GPHN: variants seen among roughly 807,000 people sequenced by gnomAD.
GPHN encodes gephyrin.
In GPHN, 17 loss-of-function variants were observed where a neutral mutation model predicts 95.5. That is an observed-to-expected ratio of 0.18 (90% CI 0.12 to 0.27). The LOEUF is 0.27. GPHN is among the 10% of genes least tolerant of loss of function. The pLI is 1.00. For synonymous variants in GPHN, 320 were observed against 322.5 expected (o/e 0.99, Z 0.08); for missense variants, 660 against 978.1 (o/e 0.67, Z 4.34).
intron 1 of GPHN, among the ~76,000 whole-genome samples, chr14:66,526,388 C>T (rs538091491): frequency 1.4e-4 from 22 of 152,228 alleles, no homozygotes; most frequent in South Asian, 6.2e-4. Context: ...TGGGCTGAGA[C>T]GATGGGGTTT....
chr14:66,721,547 A>G (rs1368574700), intron 2 of GPHN, among the ~76,000 whole-genome samples: 1 of 152,216 alleles, frequency 6.6e-6, no homozygotes, highest in Non-Finnish European at 1.5e-5. Context: ...AAATCAAACT[A>G]ATTAACATAA....
chr14:67,627,514 G>A, the GPHN span, among the ~76,000 whole-genome samples: 952 of 152,226 alleles, frequency 6.3e-3, 10 homozygotes, highest in African/African-American at 0.021. Context: ...CTTTTGAACA[G>A]TGTCATATCT....
At chr14:67,575,874 C>G in the GPHN span, 1 of 1,613,958 alleles carries the variant, frequency 6.2e-7, no homozygotes, top group Non-Finnish European at 8.5e-7. Context: ...GGAAGTAGAT[C>G]GATCCTGTGA....
rs186102361 is a variant in GPHN at position 66,521,394 on chromosome 14, A to G, written c.64+12803A>G. 5.9e-5 allele frequency among the ~76,000 whole-genome samples: 9 copies of G among 152,214 alleles called. No homozygotes were observed. In the East Asian group the frequency reaches 7.7e-4, roughly 13 times the overall value. On this transcript the variant is annotated intron_variant, in intron 1 of 22. Coordinates refer to ENST00000478722, the MANE Select transcript of GPHN (RefSeq NM_020806.5). ...TTGGCCAGGTCTGTATCACATATCC[A>G]TCCTTGGGAGTGGGGATACTAAATA...
the GPHN span, chr14:67,587,020 C>T: frequency 6.5e-7 from 1 of 1,533,746 alleles, no homozygotes; most frequent in Non-Finnish European, 8.8e-7. Context: ...GTAAGAAAGC[C>T]AGGATTCAAG....
chr14:67,374,650 T>G, the GPHN span: 1 of 715,862 alleles, frequency 1.4e-6, no homozygotes, highest in Non-Finnish European at 2.1e-6. Context: ...TTGCTTATGA[T>G]CTAATATTCT....
the GPHN span, among the ~76,000 whole-genome samples, chr14:67,358,148 G>A: frequency 2.6e-5 from 4 of 152,230 alleles, no homozygotes; most frequent in East Asian, 5.8e-4. Flanking sequence ...GCCTTACATT[G>A]CTAGAAGATA....
the GPHN span, among the ~76,000 whole-genome samples, chr14:67,405,677 TTCTC>T: frequency 2.6e-5 from 4 of 152,222 alleles, no homozygotes; most frequent in Non-Finnish European, 5.9e-5. Context: ...CTTATTGGCA[TTCTC>T]TCTCTTTCTC....
the GPHN span, among the ~76,000 whole-genome samples, chr14:67,295,335 C>G: frequency 6.6e-6 from 1 of 151,162 alleles, no homozygotes; most frequent in Non-Finnish European, 1.5e-5. Flanking sequence ...AAAAAAAATA[C>G]AAAAATTAGC....
chr14:67,208,757 C>T, the GPHN span, among the ~76,000 whole-genome samples: 6 of 152,050 alleles, frequency 3.9e-5, no homozygotes, highest in African/African-American at 1.4e-4. Context: ...ATTAGCCAGG[C>T]GCGGTGGCGG....
the GPHN span, chr14:67,586,040 C>T: frequency 6.2e-7 from 1 of 1,613,846 alleles, no homozygotes; most frequent in Non-Finnish European, 8.5e-7. Context: ...CTATCCCAGA[C>T]AAGAGCTCTG....
intron 1 of GPHN, among the ~76,000 whole-genome samples, chr14:66,559,412 CTT>C (rs1317242817): frequency 7.6e-6 from 1 of 131,060 alleles, no homozygotes; most frequent in Non-Finnish European, 1.6e-5. Context: ...TGTTTCCTGA[CTT>C]TTTAATGATT....
downstream of GPHN, among the ~76,000 whole-genome samples, chr14:67,182,930 C>G (rs1005723771): frequency 6.7e-6 from 1 of 148,568 alleles, no homozygotes; most frequent in African/African-American, 2.5e-5. Flanking sequence ...ACTACAGCCT[C>G]GAACTCCTGG....
At chr14:67,223,866 A>AC in the GPHN span, 1 of 985,748 alleles carries the variant, frequency 1.0e-6, no homozygotes, top group Non-Finnish European at 1.2e-6. Flanking sequence ...AACACCCTGT[A>AC]CCCCAAGAAA....
At chr14:67,338,547 C>G in the GPHN span, 1 of 1,427,610 alleles carries the variant, frequency 7.0e-7, no homozygotes, top group Non-Finnish European at 9.3e-7. Context: ...AATAGCCACA[C>G]AAATCAAACC....
chr14:66,560,141 A>G (rs573118426), intron 1 of GPHN, among the ~76,000 whole-genome samples: 207 of 152,220 alleles, frequency 1.4e-3, no homozygotes, highest in African/African-American at 3.3e-3. Context: ...TGGTTACTGT[A>G]GCCTTGTAGT....
chr14:66,731,078 T>G (rs1349885707), intron 2 of GPHN, among the ~76,000 whole-genome samples: 4 of 152,204 alleles, frequency 2.6e-5, no homozygotes, highest in Admixed American at 6.5e-5. Flanking sequence ...ACATGCCAGC[T>G]TCCCCTTCTG....
the GPHN span, among the ~76,000 whole-genome samples, chr14:67,356,445 AAACAAAAAC>A: frequency 2.1e-5 from 3 of 141,612 alleles, no homozygotes; most frequent in East Asian, 7.3e-4. Context: ...AAAAAAAAAA[AAACAAAAAC>A]AAACAAACAC....
At position 66,616,896 on chromosome 14, in the gene GPHN, C is replaced by G. The variant is rs572973185; in HGVS notation, c.65-64211C>G. ...CTAATTTTTGTATTTTTAGTAGAGA[C>G]AGGGTTTCACCATGTTGGCCAGAAT... On this transcript the variant is annotated intron_variant, in intron 1 of 22. Coordinates refer to ENST00000478722, the MANE Select transcript of GPHN (RefSeq NM_020806.5). Among the ~76,000 whole-genome samples the G allele has an allele frequency of 2.9e-4, 44 of 152,186 alleles. 2 individuals are homozygous for G. In the South Asian group the frequency reaches 8.7e-3, roughly 30 times the overall value.
Sources: gnomAD v4.1 joint callset for allele counts (sites outside exome capture counted in the v4.1 genomes callset) on GRCh38, gnomAD v4.1.1 for gene constraint, MANE v1.5 for transcripts, NCBI Gene and HGNC (gene_info 2026-07-23, HGNC 2026-07-21) for gene names.